The following TNNT3 variants were observed in gnomAD, a reference collection of about 807,000 sequenced individuals.
The protein encoded by TNNT3 is troponin T3, fast skeletal type, also known as troponin T, fast skeletal muscle.
TNNT3 carries 36 observed loss-of-function variants against 54.2 expected under a neutral mutation model. The ratio of observed to expected loss-of-function variants is 0.66; its 90% CI spans 0.51 to 0.88. The LOEUF (loss-of-function observed/expected upper bound fraction) is 0.88, where lower values mean the gene tolerates loss of function less well. Among genes scored for constraint, TNNT3 ranks in the 40% least tolerant of loss-of-function variants. The pLI is 0.00. For missense variants in TNNT3, 291 were observed against 331.6 expected, an observed-to-expected ratio of 0.88 and a Z score of 0.95; for synonymous variants, 120 against 109.7, an observed-to-expected ratio of 1.09 and a Z score of -0.59.
intron 9 of TNNT3, among the ~76,000 whole-genome samples, 195 bp downstream of exon 9, chr11:1,932,709 C>T (rs1853754454): frequency 6.6e-6 from 1 of 152,068 alleles, no homozygotes; most frequent in South Asian, 2.1e-4. Flanking sequence ...CCTTCTCCTC[C>T]ATCTATCCTT....
intron 9 of TNNT3, among the ~76,000 whole-genome samples, chr11:1,933,506 C>T (rs926521303): frequency 1.3e-5 from 2 of 152,192 alleles, no homozygotes; most frequent in African/African-American, 4.8e-5. Context: ...CTGTGTGGCT[C>T]AGGAATCAGG....
At chr11:1,925,509 C>G (rs1851336949) in intron 5 of TNNT3, 3 of 614,716 alleles carry the variant, frequency 4.9e-6, no homozygotes, top group Non-Finnish European at 8.7e-6. Context: ...GCAGTAGGGC[C>G]AGGGACTCCC....
At chr11:1,921,020 G>A (rs897243580) in intron 1 of TNNT3, among the ~76,000 whole-genome samples, 3 of 152,160 alleles carry the variant, frequency 2.0e-5, no homozygotes, top group African/African-American at 7.2e-5. Flanking sequence ...TGAGGGTGTT[G>A]GGGCACCCAT....
intron 14 of TNNT3, among the ~76,000 whole-genome samples, chr11:1,936,727 G>A (rs1158792476): frequency 6.6e-6 from 1 of 152,230 alleles, no homozygotes; most frequent in Non-Finnish European, 1.5e-5. Context: ...GTGTGTGGCA[G>A]TCCAGGCCAG....
At chr11:1,936,349 T>A (rs891664216) in intron 14 of TNNT3, 1 of 1,425,378 alleles carries the variant, frequency 7.0e-7, no homozygotes, top group Non-Finnish European at 9.8e-7. Flanking sequence ...TCGCTCAGGA[T>A]GCTGGCGGCA....
intron 2 of TNNT3, 22 bp downstream of exon 2, chr11:1,922,913 G>T: frequency 1.2e-6 from 2 of 1,613,674 alleles, no homozygotes; most frequent in Non-Finnish European, 1.7e-6. Flanking sequence ...GCTGGTGGCT[G>T]CCCCCTGCCT....
At chr11:1,923,446 C>T in intron 3 of TNNT3, 109 bp from the exon 4 acceptor site, 2 of 1,194,834 alleles carry the variant, frequency 1.7e-6, no homozygotes, top group Non-Finnish European at 2.5e-6. Context: ...TGGGCAGGGG[C>T]AGTCGCTGGC....
At chr11:1,925,234 T>C (rs1216376730) in intron 5 of TNNT3, 118 bp downstream of exon 5, 1 of 1,567,746 alleles carries the variant, frequency 6.4e-7, no homozygotes, top group East Asian at 2.4e-5. Flanking sequence ...AACCCTCTCC[T>C]CTCTCCCCCG....
rs549230228 is a variant in TNNT3, at chr11:1,934,539, G to T, written c.481-7G>T. The T allele has an allele frequency of 6.2e-7, 1 of 1,607,638 alleles. No individual in the cohort carries two copies. Among genetic ancestry groups the T allele is most frequent in the South Asian group, 1.1e-5 (1 of 90,454 alleles). On this transcript the variant is annotated splice_polypyrimidine_tract_variant and splice_region_variant and intron_variant, in intron 12 of 15. Coordinates refer to ENST00000278317, the MANE Select transcript of TNNT3 (RefSeq NM_006757.4). ...CAGGCCCCTCTCTTTGGGCCTGTCC[G>T]CTGCAGGCTGACCAGAAGAGAGGCA... is the stretch of plus-strand genomic sequence containing the variant.
At chr11:1,938,229 C>A (rs1334291990) in intron 15 of TNNT3, 1 of 614,608 alleles carries the variant, frequency 1.6e-6, no homozygotes, top group South Asian at 1.9e-5. Flanking sequence ...CACGTGCCAG[C>A]CCCCTAACCA....
intron 3 of TNNT3, among the ~76,000 whole-genome samples, chr11:1,923,298 T>C (rs1850580709): frequency 6.6e-6 from 1 of 151,998 alleles, no homozygotes; most frequent in Admixed American, 6.5e-5. Context: ...CTGGGTCCTG[T>C]CTCTCTGCTT....
chr11:1,936,428 C>T (rs558807140), intron 14 of TNNT3, among the ~76,000 whole-genome samples: 1 of 152,218 alleles, frequency 6.6e-6, no homozygotes, highest in African/African-American at 2.4e-5. Context: ...TCCCAGTGGC[C>T]GCTGCCCTGT....
At chr11:1,921,176 T>A (rs925728733) in intron 1 of TNNT3, among the ~76,000 whole-genome samples, 9 of 152,144 alleles carry the variant, frequency 5.9e-5, no homozygotes, top group Non-Finnish European at 1.0e-4. Flanking sequence ...GGCAGAAACG[T>A]CTTGCCTATT....
Position 1,936,945 on chromosome 11 carries a change from C to CA in TNNT3, c.682-17dup, listed in dbSNP as rs1383309091. 3 of 1,602,244 alleles carry CA rather than the reference C, an allele frequency of 1.9e-6. No individual in the cohort carries two copies. Among genetic ancestry groups the CA allele is most frequent in the African/African-American group, 1.3e-5 (1 of 74,798 alleles). On this transcript the variant is annotated splice_polypyrimidine_tract_variant and intron_variant, in intron 14 of 15. Transcript: ENST00000278317. ...TGGCCCTCGGGTCGTCGCAGTGAGT[C>CA]ACTCATGTTGTTCACAGATCACCAC...
chr11:1,928,840 C>T, intron 6 of TNNT3: 3 of 521,886 alleles, frequency 5.7e-6, no homozygotes, highest in Non-Finnish European at 1.0e-5. Flanking sequence ...TAGCCCCCCA[C>T]CTTGCCCCGC....
intron 14 of TNNT3, chr11:1,935,432 G>T (rs1854706327): frequency 4.3e-6 from 1 of 231,834 alleles, no homozygotes; most frequent in Admixed American, 5.1e-5. Flanking sequence ...CCTGTGGCTG[G>T]GAAAAGGGGC....
Position 1,926,586 on chromosome 11 carries a change from G to C in TNNT3, c.68-109G>C, listed in dbSNP as rs763676481. ...CGCGTAACCCTGCACAGCCTGGCCT[G>C]CTCGCTCCGCCGCCTCGGCCCTGCC... On this transcript the variant is annotated intron_variant, in intron 5 of 15. Transcript: ENST00000278317. 29 of 1,607,312 alleles carry C rather than the reference G, an allele frequency of 1.8e-5. No individual in the cohort carries two copies. The East Asian group carries it at 4.0e-4, about 22-fold the overall frequency.
intron 6 of TNNT3, among the ~76,000 whole-genome samples, chr11:1,926,988 T>C (rs1383796637): frequency 6.6e-6 from 1 of 151,652 alleles, no homozygotes; most frequent in African/African-American, 2.4e-5. Context: ...GAGGTGGGGG[T>C]GGCCAGCCTT....
At chr11:1,930,774 G>A (rs56122367) in intron 8 of TNNT3, among the ~76,000 whole-genome samples, 29,802 of 152,064 alleles carry the variant, frequency 0.2, 3,009 homozygotes, top group Middle Eastern at 0.22. Flanking sequence ...ATTTTTCAGT[G>A]ATTTTAAGTA....
Sources: gnomAD v4.1 joint callset for allele counts (sites outside exome capture counted in the v4.1 genomes callset) on GRCh38, gnomAD v4.1.1 for gene constraint, MANE v1.5 for transcripts, NCBI Gene and HGNC (gene_info 2026-07-23, HGNC 2026-07-21) for gene names.